ADAMTSL3: variants seen among roughly 807,000 people sequenced by gnomAD.
ADAMTSL3 encodes ADAMTS like 3.
In ADAMTSL3, 128 loss-of-function variants were observed where a neutral mutation model predicts 201.7. The observed-to-expected ratio is 0.63, with a 90% confidence interval of 0.55 to 0.73. ADAMTSL3 has a LOEUF of 0.73. Ranked by LOEUF, ADAMTSL3 falls within the 30% of genes least tolerant of loss-of-function variation. The pLI is 0.00. For missense variants in ADAMTSL3, 1,990 were observed against 2,119.6 expected, an observed-to-expected ratio of 0.94 and a Z score of 1.20; for synonymous variants, 738 against 748.4, an observed-to-expected ratio of 0.99 and a Z score of 0.23.
chr15:83,717,199 A>G (rs986911600), intron 3 of ADAMTSL3, among the ~76,000 whole-genome samples: 8 of 152,198 alleles, frequency 5.3e-5, no homozygotes, highest in Admixed American at 4.6e-4. Context: ...ACAAATGTTG[A>G]TTGAATCTCT....
chr15:84,004,332 G>A (rs2067852933), intron 23 of ADAMTSL3, among the ~76,000 whole-genome samples: 1 of 152,154 alleles, frequency 6.6e-6, no homozygotes, highest in African/African-American at 2.4e-5. Flanking sequence ...GATTTTTAAA[G>A]CTTCGCCAGA....
intron 3 of ADAMTSL3, among the ~76,000 whole-genome samples, chr15:83,742,690 T>C (rs2062476005): frequency 2.0e-5 from 3 of 152,348 alleles, no homozygotes; most frequent in Admixed American, 1.3e-4. Context: ...TGTAATCATT[T>C]GTGCTTTTCT....
chr15:83,717,615 A>G (rs1333832090), intron 3 of ADAMTSL3: 2 of 152,210 alleles, frequency 1.3e-5, no homozygotes, highest in Admixed American at 6.5e-5. Flanking sequence ...TATCTTACAC[A>G]TTTGGCTTTG....
In ADAMTSL3 at chr15:83,820,013, A is replaced by G. The variant is rs148578079; in HGVS notation, c.566A>G (p.Asp189Gly). Residue 189 changes from aspartate (D) to glycine (G), a missense_variant, in exon 6 of 30, where the codon GAC (aspartate) becomes GGC (glycine). Asp to Gly is a moderately conservative substitution (Grantham distance 94). Coordinates refer to ENST00000286744, the MANE Select transcript of ADAMTSL3 (RefSeq NM_207517.3). Reference sequence around the variant, plus strand: ...CTGGATGGAACTCGTTGCAACACGGACTCCTTGGACATGTGTATCAGTGGC... The same window carrying G: ...CTGGATGGAACTCGTTGCAACACGGGCTCCTTGGACATGTGTATCAGTGGC... ...KVLDGTRCNT[D>G]SLDMCISGIC... The G allele has an allele frequency of 5.9e-5, 95 of 1,613,672 alleles. No individual in the cohort carries two copies. The highest frequency in any genetic ancestry group is 7.5e-5 in the Non-Finnish European group (88 of 1,179,966).
chr15:83,801,647 T>TATAAATAAATAAATAA (rs1240333381), intron 4 of ADAMTSL3, among the ~76,000 whole-genome samples: 1 of 28,136 alleles, frequency 3.6e-5, no homozygotes, highest in African/African-American at 1.7e-4. Context: ...AATATATAAA[T>TATAAATAAATAAATAA]ATAAATATAT....
intron 2 of ADAMTSL3, among the ~76,000 whole-genome samples, chr15:83,663,283 C>T (rs1448601913): frequency 2.0e-5 from 3 of 152,186 alleles, no homozygotes; most frequent in Non-Finnish European, 4.4e-5. Context: ...GACGGACATT[C>T]TCTCCTTGCA....
At chr15:83,964,455 A>G (rs148001115) in intron 19 of ADAMTSL3, among the ~76,000 whole-genome samples, 141 of 152,194 alleles carry the variant, frequency 9.3e-4, no homozygotes, top group African/African-American at 3.1e-3. Context: ...TGAAATAAGC[A>G]TGAAGAGAAG....
At chr15:83,871,483 T>G (rs1484500603) in intron 9 of ADAMTSL3, among the ~76,000 whole-genome samples, 1 of 152,240 alleles carries the variant, frequency 6.6e-6, no homozygotes, top group Admixed American at 6.5e-5. Flanking sequence ...GGCTCATTCC[T>G]TAGCCTCCTT....
intron 4 of ADAMTSL3, among the ~76,000 whole-genome samples, chr15:83,795,488 C>T (rs926290260): frequency 1.2e-4 from 19 of 152,004 alleles, no homozygotes; most frequent in Admixed American, 2.0e-4. Context: ...TGAGTGTATG[C>T]GAGTTCACAC....
chr15:83,796,038 A>G (rs552261398), intron 4 of ADAMTSL3, among the ~76,000 whole-genome samples: 2 of 152,368 alleles, frequency 1.3e-5, no homozygotes, highest in South Asian at 4.1e-4. Context: ...CTTACTCTCA[A>G]TTGAAAAATA....
In ADAMTSL3 at chr15:83,891,335, A is replaced by C; in HGVS notation, c.1218A>C (p.Gly406=). ...CSMDPCPSSD[G]FKEIMPYDHF... is the part of the protein sequence containing the mutation. ...ACAATGATTTCATTTGTAGTGATGG[A>C]TTTAAAGAGATAATGCCCTATGACC... The change falls in exon 12 of 30, where the codon GGA becomes GGC. Residue 406 remains glycine, a synonymous_variant. Coordinates refer to ENST00000286744, the MANE Select transcript of ADAMTSL3 (RefSeq NM_207517.3). 1 of 1,609,418 alleles carries C rather than the reference A, an allele frequency of 6.2e-7. No individual in the cohort carries two copies. The highest frequency in any genetic ancestry group is 1.1e-5 in the South Asian group (1 of 90,944).
intron 5 of ADAMTSL3, among the ~76,000 whole-genome samples, chr15:83,814,260 C>G (rs1038243307): frequency 6.6e-6 from 1 of 152,272 alleles, no homozygotes; most frequent in Admixed American, 6.5e-5. Context: ...GAGTCACCCC[C>G]TCTCATGTCT....
chr15:83,968,402 C>T (rs925276836), intron 19 of ADAMTSL3, among the ~76,000 whole-genome samples: 11 of 152,122 alleles, frequency 7.2e-5, no homozygotes, highest in East Asian at 1.9e-4. Flanking sequence ...GACATTTATG[C>T]GGCCAACAAA....
At chr15:83,825,391 C>T (rs1049905325) in intron 6 of ADAMTSL3, among the ~76,000 whole-genome samples, 9 of 152,092 alleles carry the variant, frequency 5.9e-5, no homozygotes, top group Admixed American at 5.2e-4. Flanking sequence ...CAGGAGAGTT[C>T]GTTAAGCCTA....
At chr15:83,971,701 A>G (rs946563071) in intron 20 of ADAMTSL3, among the ~76,000 whole-genome samples, 4 of 151,400 alleles carry the variant, frequency 2.6e-5, no homozygotes, top group African/African-American at 9.7e-5. Flanking sequence ...GGAGGTAGGG[A>G]ACAGGCATAG....
At chr15:83,938,334 A>G (rs1253925608) in intron 17 of ADAMTSL3, among the ~76,000 whole-genome samples, 1 of 152,216 alleles carries the variant, frequency 6.6e-6, no homozygotes, top group Non-Finnish European at 1.5e-5. Context: ...CTTTGCAGAT[A>G]GATAATGTCC....
At position 83,838,095 on chromosome 15, in the gene ADAMTSL3, G is replaced by T; in HGVS notation, c.607G>T (p.Gly203Cys). 1 of 1,609,032 alleles carries T rather than the reference G, an allele frequency of 6.2e-7. No individual in the cohort carries two copies. Among genetic ancestry groups the T allele is most frequent in the Non-Finnish European group, 8.5e-7 (1 of 1,178,132 alleles). The change falls in exon 7 of 30, where the codon GGC becomes TGC. Residue 203 changes from glycine (G) to cysteine (C), a missense_variant. By Grantham distance (159) the Gly-to-Cys change is radical (BLOSUM62 -3). Transcript: ENST00000286744. ...GCCATGCTTCTGTTGGCAGGCAGTG[G>T]GCTGCGATCGGCAACTGGGAAGCAA... ...MCISGICQAVGCDRQLGSNAK... is the reference protein window; with the variant it reads ...MCISGICQAVCCDRQLGSNAK...
chr15:83,711,118 C>A (rs2061927575), intron 3 of ADAMTSL3, among the ~76,000 whole-genome samples: 1 of 152,018 alleles, frequency 6.6e-6, no homozygotes, highest in Non-Finnish European at 1.5e-5. Flanking sequence ...CATAATTTTC[C>A]TTTTCCTCGT....
At chr15:83,689,138 T>A (rs2061579466) in intron 2 of ADAMTSL3, among the ~76,000 whole-genome samples, 1 of 152,206 alleles carries the variant, frequency 6.6e-6, no homozygotes, top group African/African-American at 2.4e-5. Context: ...CTTATTTTAT[T>A]ATAAAATGTA....
Sources: gnomAD v4.1 joint callset for allele counts (sites outside exome capture counted in the v4.1 genomes callset) on GRCh38, gnomAD v4.1.1 for gene constraint, MANE v1.5 for transcripts, NCBI Gene and HGNC (gene_info 2026-07-23, HGNC 2026-07-21) for gene names.